The following CNBD1 variants were observed in gnomAD, a reference collection of about 807,000 sequenced individuals.
CNBD1 encodes the protein cyclic nucleotide binding domain containing 1, also known as cyclic nucleotide-binding domain-containing protein 1.
Under a neutral mutation model 54.4 loss-of-function variants are expected in CNBD1, and 71 were observed. The observed-to-expected ratio is 1.30, with a 90% CI of 1.08 to 1.59. The LOEUF (loss-of-function observed/expected upper bound fraction) is 1.59. Ranked by LOEUF, CNBD1 falls within the 40% of genes most tolerant of loss-of-function variation. CNBD1 has a pLI of 0.00. For missense variants in CNBD1, 659 were observed against 518.0 expected, an observed-to-expected ratio of 1.27 and a Z score of -2.64; for synonymous variants, 182 against 170.7, an observed-to-expected ratio of 1.07 and a Z score of -0.51.
chr8:87,223,164 T>C (rs1814381108), intron 5 of CNBD1, among the ~76,000 whole-genome samples: 1 of 151,230 alleles, frequency 6.6e-6, no homozygotes, highest in Non-Finnish European at 1.5e-5. Flanking sequence ...TTGCCATACG[T>C]ATTTAATCTA....
At chr8:87,292,052 A>G (rs547674289) in intron 8 of CNBD1, among the ~76,000 whole-genome samples, 3 of 152,316 alleles carry the variant, frequency 2.0e-5, no homozygotes, top group African/African-American at 7.2e-5. Flanking sequence ...TCTGGGTTGT[A>G]TTAACATTTG....
chr8:87,417,760 A>G (rs1807860247), intron 2 of CNBD1, among the ~76,000 whole-genome samples: 1 of 152,068 alleles, frequency 6.6e-6, no homozygotes, highest in African/African-American at 2.4e-5. Context: ...CAATATACTT[A>G]GTAATTTGTA....
intron 3 of CNBD1, 73 bp from the exon 4 acceptor site, chr8:86,939,521 CAA>C (rs1809611645): frequency 9.8e-7 from 1 of 1,020,212 alleles, no homozygotes; most frequent in Non-Finnish European, 1.4e-6. Flanking sequence ...TATACTCCTG[CAA>C]TATAGTAAAA....
chr8:87,419,606 G>T (rs965945669), intron 2 of CNBD1, among the ~76,000 whole-genome samples: 3 of 151,816 alleles, frequency 2.0e-5, no homozygotes, highest in African/African-American at 4.8e-5. Flanking sequence ...GAGATCATCA[G>T]CAAAATCACA....
At chr8:87,420,440 G>T (rs1167456018) in intron 2 of CNBD1, among the ~76,000 whole-genome samples, 2 of 151,964 alleles carry the variant, frequency 1.3e-5, no homozygotes, top group Non-Finnish European at 1.5e-5. Flanking sequence ...GAATCACATG[G>T]TATTTCTGCA....
At chr8:86,887,143 A>G (rs1808692123) in intron 1 of CNBD1, among the ~76,000 whole-genome samples, 1 of 152,198 alleles carries the variant, frequency 6.6e-6, no homozygotes, top group South Asian at 2.1e-4. Flanking sequence ...TCGAAGGGCA[A>G]GAGTGAAAGT....
chr8:87,127,176 A>T (rs186500131), intron 4 of CNBD1, among the ~76,000 whole-genome samples: 5 of 152,192 alleles, frequency 3.3e-5, no homozygotes, highest in African/African-American at 9.6e-5. Flanking sequence ...TGTTAGAATT[A>T]GGTTGTCAAC....
chr8:87,377,720 A>T (rs2130955753), intron 10 of CNBD1, among the ~76,000 whole-genome samples: 1 of 141,316 alleles, frequency 7.1e-6, no homozygotes, highest in East Asian at 2.1e-4. Context: ...TCCCTGAGGA[A>T]TCGCCACACT....
chr8:87,348,973 T>C (rs1300458208), intron 8 of CNBD1, among the ~76,000 whole-genome samples: 8 of 152,214 alleles, frequency 5.3e-5, no homozygotes, highest in South Asian at 2.1e-4. Context: ...TTCATAATGA[T>C]CTAATGCTTT....
At chr8:87,106,170 C>T (rs546491412) in intron 4 of CNBD1, among the ~76,000 whole-genome samples, 1 of 150,840 alleles carries the variant, frequency 6.6e-6, no homozygotes, top group South Asian at 2.1e-4. Context: ...CCTTTCCATT[C>T]CTTTCCATTC....
intron 4 of CNBD1, among the ~76,000 whole-genome samples, chr8:87,102,826 G>T (rs923526815): frequency 6.6e-5 from 10 of 152,056 alleles, no homozygotes; most frequent in Admixed American, 1.3e-4. Flanking sequence ...GTATTAGCCA[G>T]GATGGTCTCA....
At chr8:87,048,439 A>AGG (rs1379545328) in intron 4 of CNBD1, among the ~76,000 whole-genome samples, 1 of 152,182 alleles carries the variant, frequency 6.6e-6, no homozygotes, top group Non-Finnish European at 1.5e-5. Flanking sequence ...GTTTCTTGAG[A>AGG]GAGCTTCCTC....
chr8:87,111,222 TTC>T (rs1811655167), intron 4 of CNBD1, among the ~76,000 whole-genome samples: 1 of 152,176 alleles, frequency 6.6e-6, no homozygotes, highest in Non-Finnish European at 1.5e-5. Flanking sequence ...AGTGTGAGGG[TTC>T]TGACAGCTGT....
chr8:87,223,114 C>A (rs1439479443), intron 5 of CNBD1, among the ~76,000 whole-genome samples: 1 of 149,544 alleles, frequency 6.7e-6, no homozygotes, highest in African/African-American at 2.5e-5. Context: ...TACATAAAAA[C>A]CCCTGTGACC....
chr8:86,916,133 C>T (rs750701707), intron 3 of CNBD1, among the ~76,000 whole-genome samples: 4 of 152,040 alleles, frequency 2.6e-5, no homozygotes, highest in South Asian at 2.1e-4. Flanking sequence ...CAAATCTGTT[C>T]GGGTCTGCAG....
chr8:87,298,040 G>A (rs557686560), intron 8 of CNBD1, among the ~76,000 whole-genome samples: 9 of 151,542 alleles, frequency 5.9e-5, no homozygotes, highest in East Asian at 3.9e-4. Flanking sequence ...ATATAGATTT[G>A]TATAAGCTGA....
chr8:87,254,869 G>A (rs983245565), intron 6 of CNBD1, among the ~76,000 whole-genome samples: 13 of 152,126 alleles, frequency 8.5e-5, no homozygotes, highest in African/African-American at 1.2e-4. Flanking sequence ...GGGGCAAGAA[G>A]AATGTCATTG....
intron 4 of CNBD1, among the ~76,000 whole-genome samples, chr8:87,164,991 C>G (rs1388399476): frequency 6.6e-6 from 1 of 151,602 alleles, no homozygotes; most frequent in East Asian, 1.9e-4. Flanking sequence ...TTTCATAAGT[C>G]ACAAGATTTT....
Position 87,179,588 on chromosome 8 carries a change from T to C in CNBD1, c.432-26405T>C, listed in dbSNP as rs552802854. ...GTTTAATGGAAGCCAAATGTAAGGATTGATCCAGGAAGGCATAGCAACAAG... is the reference window on the plus strand; with the variant it reads ...GTTTAATGGAAGCCAAATGTAAGGACTGATCCAGGAAGGCATAGCAACAAG... On this transcript the variant is annotated intron_variant, in intron 4 of 10. Transcript: ENST00000518476. Among the ~76,000 whole-genome samples the C allele has an allele frequency of 5.9e-5, 9 of 152,268 alleles. No individual in the cohort carries two copies. In the East Asian group the frequency reaches 7.7e-4, roughly 13 times the overall value.
Sources: allele counts gnomAD v4.1 joint callset (sites outside exome capture counted in the v4.1 genomes callset), GRCh38; gene constraint gnomAD v4.1.1; transcripts MANE v1.5; gene names NCBI Gene and HGNC (gene_info 2026-07-23, HGNC 2026-07-21).